Variants in TANK observed in about 807,000 individuals in gnomAD.
TANK encodes the protein TRAF family member-associated NF-kappa-B activator.
Under a neutral mutation model 43.6 loss-of-function variants are expected in TANK, and 15 were observed. The ratio of observed to expected loss-of-function variants is 0.34; its 90% confidence interval spans 0.23 to 0.53. The LOEUF (loss-of-function observed/expected upper bound fraction) is 0.53. Among genes scored for constraint, TANK ranks in the 20% least tolerant of loss-of-function variants. The pLI, the probability that TANK is intolerant of heterozygous loss-of-function variation, is 0.94. For missense variants in TANK, 417 were observed against 498.6 expected (o/e 0.84, Z 1.56); for synonymous variants, 162 against 178.2 (o/e 0.91, Z 0.73).
chr2:161,167,608 T>TTTTG (rs745995213), intron 1 of TANK, among the ~76,000 whole-genome samples: 17 of 151,956 alleles, frequency 1.1e-4, no homozygotes, highest in South Asian at 2.1e-4. Context: ...GCAACCAGGT[T>TTTTG]TTTGTTTGTT....
chr2:161,182,771 T>G (rs1242516799), intron 2 of TANK, among the ~76,000 whole-genome samples: 1 of 152,174 alleles, frequency 6.6e-6, no homozygotes, highest in Non-Finnish European at 1.5e-5. Context: ...GGGTGTGATC[T>G]AAACCCAGCA....
chr2:161,235,147 C>A (rs2105185352), intron 7 of TANK, among the ~76,000 whole-genome samples, 195 bp from the exon 8 acceptor site: 1 of 152,206 alleles, frequency 6.6e-6, no homozygotes. Flanking sequence ...GACTTTTAAT[C>A]AAAGTTTAGT....
rs755736062 is a variant in TANK at position 161,140,042 on chromosome 2, A to G, written c.-50+2979A>G. On this transcript the variant is annotated intron_variant, in intron 1 of 7. Transcript: ENST00000259075. Reference sequence around the variant, plus strand: ...GGTTAGTATTTTTGTTTTTATATTCATAAGTCTGTAAAAATTAGTCTATAT... The same window carrying G: ...GGTTAGTATTTTTGTTTTTATATTCGTAAGTCTGTAAAAATTAGTCTATAT... 121 of 568,280 alleles carry G rather than the reference A, an allele frequency of 2.1e-4. No homozygotes were observed. The Middle Eastern group carries it at 2.6e-3, about 12-fold the overall frequency. 35.2% of individuals were successfully genotyped at this position (568,280 alleles called of 1,614,324 possible).
intron 1 of TANK, 83 bp downstream of exon 1, chr2:161,160,569 C>A: frequency 2.6e-6 from 3 of 1,133,170 alleles, no homozygotes; most frequent in African/African-American, 1.6e-5. Context: ...GCGAGAGGGA[C>A]GCGCTGACAG....
intron 4 of TANK, among the ~76,000 whole-genome samples, chr2:161,205,732 A>G (rs1686622815): frequency 6.6e-6 from 1 of 152,206 alleles, no homozygotes; most frequent in African/African-American, 2.4e-5. Context: ...TTGAGTAAAG[A>G]TGGAAATTAC....
chr2:161,147,948 A>G lies in TANK; in HGVS notation c.-50+10885A>G, dbSNP rs114311795. ...TGGATAGGGTATTTGGTCTGTCTTC[A>G]CTTTTGGACTATTGTAAATCATGCT... On this transcript the variant is annotated intron_variant, in intron 1 of 7. Transcript: ENST00000259075. Among the ~76,000 whole-genome samples the G allele has an allele frequency of 5.2e-3, 785 of 152,224 alleles. 5 individuals carry two copies. Among genetic ancestry groups the G allele is most frequent in the African/African-American group, 0.018 (749 of 41,500 alleles).
chr2:161,142,996 T>C (rs1683796311), intron 1 of TANK, among the ~76,000 whole-genome samples: 1 of 152,196 alleles, frequency 6.6e-6, no homozygotes, highest in Non-Finnish European at 1.5e-5. Flanking sequence ...CTCTCTTATT[T>C]CCTTGAGCAG....
At chr2:161,176,235 G>C (rs943349466) in intron 1 of TANK, among the ~76,000 whole-genome samples, 1 of 152,240 alleles carries the variant, frequency 6.6e-6, no homozygotes, top group Admixed American at 6.5e-5. Flanking sequence ...AAATAAACAA[G>C]TGACTTTAAA....
chr2:161,152,868 T>C (rs1461089293), intron 1 of TANK, among the ~76,000 whole-genome samples: 1 of 152,186 alleles, frequency 6.6e-6, no homozygotes, highest in Non-Finnish European at 1.5e-5. Flanking sequence ...ATAATTTGAT[T>C]ATAATGCCTC....
chr2:161,182,621 C>T (rs1685480598), intron 2 of TANK, among the ~76,000 whole-genome samples: 1 of 152,106 alleles, frequency 6.6e-6, no homozygotes, highest in African/African-American at 2.4e-5. Flanking sequence ...TGGATGAGTT[C>T]TTCATCTTTC....
At chr2:161,141,283 C>T (rs1295641732) in intron 1 of TANK, among the ~76,000 whole-genome samples, 2 of 152,154 alleles carry the variant, frequency 1.3e-5, no homozygotes, top group Non-Finnish European at 2.9e-5. Flanking sequence ...TGCATATATT[C>T]TGAATGTTTC....
chr2:161,150,546 C>G (rs919173041), intron 1 of TANK, among the ~76,000 whole-genome samples: 1 of 148,786 alleles, frequency 6.7e-6, no homozygotes, highest in Admixed American at 6.7e-5. Context: ...TTTCCAGTTC[C>G]TTGAGGTATA....
In TANK at chr2:161,175,115, A is replaced by G. The variant is rs138625877; in HGVS notation, c.-49-4499A>G. ...GGATATCTTAGGATGCTCATATACT[A>G]TATGCTTCAAGTTACAGTTAATGGT... is the stretch of plus-strand genomic sequence containing the variant. On this transcript the variant is annotated intron_variant, in intron 1 of 7. Coordinates refer to ENST00000392749, the MANE Select transcript of TANK (RefSeq NM_001199135.3). Among the ~76,000 whole-genome samples, 19 of 152,232 alleles carry G rather than the reference A, an allele frequency of 1.2e-4. No homozygotes were observed. In the East Asian group the frequency reaches 3.3e-3, roughly 26 times the overall value.
intron 2 of TANK, among the ~76,000 whole-genome samples, chr2:161,202,211 A>T (rs1686449074): frequency 1.7e-5 from 2 of 117,154 alleles, no homozygotes; most frequent in South Asian, 2.6e-4. Context: ...TTTTTTTGAG[A>T]CAGAGTCTGG....
rs906803488 is a variant in TANK at position 161,207,492 on chromosome 2, C to T, written c.327+2699C>T. 3 of 984,016 alleles carry T rather than the reference C, an allele frequency of 3.0e-6. No individual in the cohort carries two copies. In the African/African-American group the frequency reaches 5.3e-5, roughly 17 times the overall value. The allele number at this position is 984,016 out of a possible 1,614,324, so 61.0% of individuals were successfully genotyped here. On this transcript the variant is annotated intron_variant, in intron 4 of 7. Transcript: ENST00000392749. ...TTCTCTTTTTTTATGTATCTCTAGC[C>T]AAAGTGCTAATGAGCACTAAACGTA...
At chr2:161,232,995 G>A in intron 7 of TANK, 5 of 879,492 alleles carry the variant, frequency 5.7e-6, no homozygotes, top group Non-Finnish European at 8.2e-6. Flanking sequence ...CTTAAAATGA[G>A]TTTTTTAAAA....
chr2:161,180,614 T>C (rs1226640704), intron 2 of TANK, among the ~76,000 whole-genome samples: 1 of 152,176 alleles, frequency 6.6e-6, no homozygotes, highest in Non-Finnish European at 1.5e-5. Context: ...GATTCTCTCC[T>C]TTTTATTATG....
intron 1 of TANK, among the ~76,000 whole-genome samples, chr2:161,147,100 C>T (rs1038717436): frequency 6.6e-6 from 1 of 151,974 alleles, no homozygotes; most frequent in African/African-American, 2.4e-5. Context: ...AGGGTCTGGC[C>T]GCAGTTTGCC....
chr2:161,201,369 C>T, intron 2 of TANK: 1 of 694,844 alleles, frequency 1.4e-6, no homozygotes, highest in Non-Finnish European at 1.8e-6. Flanking sequence ...TAAAAATTAA[C>T]TGGCAGAAGC....
Sources: gnomAD v4.1 joint callset for allele counts (sites outside exome capture counted in the v4.1 genomes callset) on GRCh38, gnomAD v4.1.1 for gene constraint, MANE v1.5 for transcripts, NCBI Gene and HGNC (gene_info 2026-07-23, HGNC 2026-07-21) for gene names.